CCSER1: variants seen among roughly 807,000 people sequenced by gnomAD.
CCSER1 encodes coiled-coil serine rich protein 1.
A neutral mutation model predicts 82.0 loss-of-function variants in CCSER1; 41 were observed. That is an observed-to-expected ratio of 0.50 (90% CI 0.39 to 0.65). CCSER1 has a LOEUF of 0.65. CCSER1 is among the 30% of genes least tolerant of loss of function. The pLI is 0.00. For missense variants in CCSER1, 1,119 were observed against 1,064.2 expected, an observed-to-expected ratio of 1.05 and a Z score of -0.72; for synonymous variants, 414 against 383.9, an observed-to-expected ratio of 1.08 and a Z score of -0.92.
chr4:90,694,118 C>T (rs1333860827), intron 6 of CCSER1, among the ~76,000 whole-genome samples: 1 of 151,846 alleles, frequency 6.6e-6, no homozygotes, highest in Admixed American at 6.6e-5. Context: ...AGAGTAATGG[C>T]TATTGCAGTA....
chr4:90,409,138 C>T (rs1360143139), intron 4 of CCSER1, among the ~76,000 whole-genome samples: 1 of 152,086 alleles, frequency 6.6e-6, no homozygotes, highest in Admixed American at 6.6e-5. Flanking sequence ...TGTGAAAAGA[C>T]CAAATCTACA....
rs149675769 is a variant in CCSER1, at chr4:91,031,475, G to A, written c.2173-54475G>A. Among the ~76,000 whole-genome samples, 1,091 of 152,170 alleles carry A rather than the reference G, an allele frequency of 7.2e-3. 6 individuals are homozygous for A. Among genetic ancestry groups the A allele is most frequent in the African/African-American group, 0.025 (1,041 of 41,524 alleles). ...CCTCTGGTGACTGATATATAACAAG[G>A]ACTTACAAATGCTTATTCAATAAAA... On this transcript the variant is annotated intron_variant, in intron 9 of 10. Transcript: ENST00000509176.
chr4:91,292,054 A>G (rs1743790024), intron 10 of CCSER1, among the ~76,000 whole-genome samples: 1 of 152,004 alleles, frequency 6.6e-6, no homozygotes, highest in Non-Finnish European at 1.5e-5. Context: ...GTTTTCCTCT[A>G]TCAAACTAGC....
intron 8 of CCSER1, among the ~76,000 whole-genome samples, chr4:90,823,007 C>G (rs965418385): frequency 6.7e-6 from 1 of 150,368 alleles, no homozygotes; most frequent in Non-Finnish European, 1.5e-5. Flanking sequence ...ATTACAACAT[C>G]TATACTTTTC....
intron 5 of CCSER1, among the ~76,000 whole-genome samples, chr4:90,584,848 C>A (rs935415474): frequency 6.6e-6 from 1 of 151,708 alleles, no homozygotes; most frequent in Non-Finnish European, 1.5e-5. Context: ...TTGACAAAAT[C>A]TTTTTTTTAA....
intron 4 of CCSER1, among the ~76,000 whole-genome samples, chr4:90,423,794 A>G (rs115303398): frequency 0.018 from 2,665 of 150,774 alleles, 33 homozygotes; most frequent in African/African-American, 0.038. Context: ...TTCTTTTTTA[A>G]TAACACATTT....
intron 10 of CCSER1, among the ~76,000 whole-genome samples, chr4:91,546,030 A>T (rs555507538): frequency 6.6e-6 from 1 of 152,040 alleles, no homozygotes; most frequent in Non-Finnish European, 1.5e-5. Context: ...TTCTGCATCT[A>T]TTGATATAAT....
intron 6 of CCSER1, among the ~76,000 whole-genome samples, chr4:90,672,100 C>A (rs962964927): frequency 2.6e-5 from 4 of 151,832 alleles, no homozygotes; most frequent in Non-Finnish European, 5.9e-5. Flanking sequence ...GTAGATTTAG[C>A]ATAATTCTTA....
intron 9 of CCSER1, among the ~76,000 whole-genome samples, chr4:90,997,292 A>G (rs937529572): frequency 2.0e-5 from 3 of 151,926 alleles, no homozygotes; most frequent in Admixed American, 6.6e-5. Context: ...GCATCTTCAC[A>G]TCCTTCCCTC....
chr4:90,179,157 G>A (rs766386340), intron 1 of CCSER1, among the ~76,000 whole-genome samples: 2 of 152,106 alleles, frequency 1.3e-5, no homozygotes, highest in African/African-American at 4.8e-5. Context: ...GGAACAATTA[G>A]ATCAAGTAAA....
intron 4 of CCSER1, among the ~76,000 whole-genome samples, chr4:90,451,401 A>AG (rs1442903234): frequency 6.6e-6 from 1 of 152,136 alleles, no homozygotes; most frequent in East Asian, 1.9e-4. Context: ...TTTGGGTTCC[A>AG]GGGGGACACG....
At chr4:90,844,208 A>G (rs529578779) in intron 8 of CCSER1, among the ~76,000 whole-genome samples, 1 of 152,008 alleles carries the variant, frequency 6.6e-6, no homozygotes, top group African/African-American at 2.4e-5. Context: ...GAGAATATAT[A>G]TATATATGTA....
intron 9 of CCSER1, among the ~76,000 whole-genome samples, chr4:91,047,802 C>A (rs1458772638): frequency 1.3e-5 from 2 of 152,196 alleles, no homozygotes; most frequent in Admixed American, 6.5e-5. Flanking sequence ...CAACCAAATT[C>A]TTTTTAAGCC....
intron 10 of CCSER1, among the ~76,000 whole-genome samples, chr4:91,472,503 T>A (rs574177325): frequency 6.6e-6 from 1 of 152,220 alleles, no homozygotes; most frequent in African/African-American, 2.4e-5. Flanking sequence ...CATGATATTA[T>A]CTTTCCAAAA....
chr4:90,753,961 T>G (rs900688415), intron 7 of CCSER1, among the ~76,000 whole-genome samples: 1 of 152,178 alleles, frequency 6.6e-6, no homozygotes, highest in Non-Finnish European at 1.5e-5. Context: ...GTCTTCACAT[T>G]ACCATATAGC....
chr4:90,584,381 G>A lies in CCSER1; in HGVS notation c.1725-43644G>A, dbSNP rs953824963. Among the ~76,000 whole-genome samples, 3 of 152,110 alleles carry A rather than the reference G, an allele frequency of 2.0e-5. No homozygotes were observed. In the South Asian group the frequency reaches 6.2e-4, roughly 32 times the overall value. ...CTTCTAGTTGCTAAGAGCCAGCAAG[G>A]AAAAGAGAACCTCAGTTACAGGAAC... On this transcript the variant is annotated intron_variant, in intron 5 of 10. Transcript: ENST00000509176.
At chr4:91,561,493 GA>G (rs1220571227) in intron 10 of CCSER1, among the ~76,000 whole-genome samples, 2 of 151,370 alleles carry the variant, frequency 1.3e-5, no homozygotes, top group African/African-American at 4.8e-5. Context: ...ATTATCCCCT[GA>G]TCCCTCATGT....
chr4:90,732,919 T>C (rs1395639506), intron 7 of CCSER1, among the ~76,000 whole-genome samples: 1 of 152,208 alleles, frequency 6.6e-6, no homozygotes, highest in Non-Finnish European at 1.5e-5. Flanking sequence ...ATTTTCTTAA[T>C]CCATTCATCT....
chr4:91,354,972 C>T (rs1375132212), intron 10 of CCSER1, among the ~76,000 whole-genome samples: 1 of 152,198 alleles, frequency 6.6e-6, no homozygotes. Flanking sequence ...AGGATCTAGT[C>T]CTTTTCCATC....
Sources: gnomAD v4.1 joint callset for allele counts (sites outside exome capture counted in the v4.1 genomes callset) on GRCh38, gnomAD v4.1.1 for gene constraint, MANE v1.5 for transcripts, NCBI Gene and HGNC (gene_info 2026-07-23, HGNC 2026-07-21) for gene names.